PAK3: variants seen among roughly 807,000 people sequenced by gnomAD.
The protein encoded by PAK3 is p21 (RAC1) activated kinase 3.
In PAK3, 4 loss-of-function variants were observed where a neutral mutation model predicts 41.0. The ratio of observed to expected loss-of-function variants is 0.10; its 90% CI spans 0.05 to 0.22. The LOEUF is 0.22. Among genes scored for constraint, PAK3 ranks in the 10% least tolerant of loss-of-function variants. PAK3 has a pLI of 1.00. For synonymous variants in PAK3, 146 were observed against 139.6 expected, an observed-to-expected ratio of 1.05 and a Z score of -0.32; for missense variants, 205 against 409.9, an observed-to-expected ratio of 0.50 and a Z score of 4.32.
chrX:110,972,816 A>G (rs1007911562), intron 1 of PAK3, among the ~76,000 whole-genome samples: 2 of 111,574 alleles, frequency 1.8e-5, no homozygotes, highest in Non-Finnish European at 3.8e-5. Context: ...AAAACCTTGA[A>G]AAAAGATTAG....
chrX:111,212,507 A>G (rs1225898278), intron 16 of PAK3, among the ~76,000 whole-genome samples: 1 of 111,810 alleles, frequency 8.9e-6, no homozygotes, highest in African/African-American at 3.3e-5. Context: ...GTGGCATTAT[A>G]CATAGTGATT....
chrX:111,183,678 G>A (rs775701070), intron 11 of PAK3, among the ~76,000 whole-genome samples: 1 of 111,623 alleles, frequency 9.0e-6, no homozygotes, highest in South Asian at 3.8e-4. Flanking sequence ...CTTGACATTG[G>A]CACTTGGTGG....
chrX:111,104,704 C>T (rs2093220034), intron 4 of PAK3, among the ~76,000 whole-genome samples: 1 of 111,573 alleles, frequency 9.0e-6, no homozygotes, highest in Admixed American at 9.5e-5. Flanking sequence ...GTGCTAGGCT[C>T]TTTACTGGCA....
At chrX:110,994,241 T>C (rs1004922375) in intron 1 of PAK3, among the ~76,000 whole-genome samples, 1 of 112,348 alleles carries the variant, frequency 8.9e-6, no homozygotes, top group Middle Eastern at 4.6e-3. Context: ...GATATTGTTG[T>C]CAATGTCCTA....
intron 1 of PAK3, among the ~76,000 whole-genome samples, chrX:110,984,038 C>T (rs758432245): frequency 2.1e-4 from 24 of 111,805 alleles, no homozygotes; most frequent in Non-Finnish European, 4.3e-4. Context: ...CCACCATCAT[C>T]TCTTTCCCAA....
chrX:111,119,265 T>C (rs1229421417), intron 4 of PAK3, among the ~76,000 whole-genome samples: 1 of 112,045 alleles, frequency 8.9e-6, no homozygotes, highest in Non-Finnish European at 1.9e-5. Flanking sequence ...TAAAAAAATA[T>C]ACACCATCTA....
At position 111,051,993 on chromosome X, in the gene PAK3, C is replaced by T. The variant is rs151017293; in HGVS notation, c.-27-71084C>T. Among the ~76,000 whole-genome samples, 120 of 112,045 alleles carry T rather than the reference C, an allele frequency of 1.1e-3. 1 individual carries two copies. The highest frequency in any genetic ancestry group is 3.5e-3 in the African/African-American group (108 of 30,872). On this transcript the variant is annotated intron_variant, in intron 1 of 14. Coordinates refer to the PAK3 transcript ENST00000425146. ...CCAAGGTCATTGTAAAGTAGGAAAC[C>T]GGGAAGCCTGGAAGATAAGTAGGCC... is the stretch of plus-strand genomic sequence containing the variant.
chrX:111,181,265 T>C (rs1726136886), intron 11 of PAK3, among the ~76,000 whole-genome samples: 1 of 103,753 alleles, frequency 9.6e-6, no homozygotes, highest in South Asian at 3.7e-4. Flanking sequence ...TAGGTTAGAT[T>C]AGCTATGCAG....
intron 11 of PAK3, among the ~76,000 whole-genome samples, chrX:111,191,027 A>C (rs1295259597): frequency 1.8e-5 from 2 of 112,301 alleles, no homozygotes; most frequent in Non-Finnish European, 3.8e-5. Flanking sequence ...AAAGCAAGGG[A>C]ACCCCATAAA....
At chrX:111,008,310 A>T (rs192447622) in intron 1 of PAK3, among the ~76,000 whole-genome samples, 1 of 112,720 alleles carries the variant, frequency 8.9e-6, no homozygotes, top group African/African-American at 3.2e-5. Context: ...TGTTAAACAC[A>T]TGTCAGGCAC....
intron 1 of PAK3, among the ~76,000 whole-genome samples, chrX:110,985,498 A>G (rs1407261014): frequency 8.9e-6 from 1 of 112,394 alleles, no homozygotes; most frequent in East Asian, 2.8e-4. Flanking sequence ...AGTGAACAGG[A>G]AAATGAGCAA....
intron 1 of PAK3, among the ~76,000 whole-genome samples, chrX:111,068,740 A>G (rs1021094292): frequency 8.8e-6 from 1 of 113,024 alleles, no homozygotes; most frequent in Non-Finnish European, 1.9e-5. Flanking sequence ...CTTTACCTGC[A>G]TCTAACAGAC....
chrX:111,068,826 A>G (rs2092720537), intron 1 of PAK3, among the ~76,000 whole-genome samples: 1 of 112,658 alleles, frequency 8.9e-6, no homozygotes, highest in Non-Finnish European at 1.9e-5. Context: ...CTTCAATTCA[A>G]GAGTTATTTA....
chrX:111,163,105 G>T, intron 9 of PAK3, 59 bp downstream of exon 9: 1 of 1,076,646 alleles, frequency 9.3e-7, no homozygotes. Context: ...AATAGTCATA[G>T]AGTTAGAATA....
chrX:111,195,040 C>T (rs1252731954), intron 14 of PAK3, among the ~76,000 whole-genome samples: 2 of 112,094 alleles, frequency 1.8e-5, no homozygotes, highest in African/African-American at 6.5e-5. Context: ...TTACTGGAGT[C>T]TCATCTTAGG....
chrX:111,053,503 C>T (rs1462790578), intron 1 of PAK3, among the ~76,000 whole-genome samples: 2 of 111,554 alleles, frequency 1.8e-5, no homozygotes, highest in Non-Finnish European at 3.8e-5. Flanking sequence ...GTACTGACTC[C>T]CTATGTACTA....
rs753804711 is a variant in PAK3, at chrX:111,163,470, G to A, written c.601-92G>A. On this transcript the variant is annotated intron_variant, in intron 9 of 17. Coordinates refer to ENST00000372007, the MANE Select transcript of PAK3 (RefSeq NM_002578.5). Reference sequence around the variant, plus strand: ...TTTTTTTTTTAAGAAAATACCACTTGTCTTTAAAAATTCATTGATATTACA... The same window carrying A: ...TTTTTTTTTTAAGAAAATACCACTTATCTTTAAAAATTCATTGATATTACA... The A allele has an allele frequency of 6.4e-5, 41 of 642,589 alleles. 1 individual carries two copies. Among genetic ancestry groups the A allele is most frequent in the Non-Finnish European group, 9.6e-5 (38 of 393,986 alleles). The allele number at this position is 642,589 out of a possible 1,213,427, so 53.0% of individuals were successfully genotyped here. A position where few individuals can be genotyped will look rare whatever the true frequency, so the allele number is the denominator to read the frequency against.
intron 1 of PAK3, among the ~76,000 whole-genome samples, chrX:111,023,499 C>T (rs2092221771): frequency 8.9e-6 from 1 of 112,143 alleles, no homozygotes. Flanking sequence ...CTAATTTACA[C>T]TCCCACCAAC....
chrX:111,026,361 A>G (rs944322266), intron 1 of PAK3, among the ~76,000 whole-genome samples: 5 of 111,703 alleles, frequency 4.5e-5, no homozygotes, highest in African/African-American at 1.6e-4. Context: ...GAGGAAGTCA[A>G]GCTGTCCCTA....
Sources: allele counts gnomAD v4.1 joint callset (sites outside exome capture counted in the v4.1 genomes callset), GRCh38; gene constraint gnomAD v4.1.1; transcripts MANE v1.5; gene names NCBI Gene and HGNC (gene_info 2026-07-23, HGNC 2026-07-21).